The following ABCA1 variants were observed in gnomAD, a reference collection of about 807,000 sequenced individuals.
The protein encoded by ABCA1 is ATP binding cassette subfamily A member 1, also known as phospholipid-transporting ATPase ABCA1.
Under a neutral mutation model 262.5 loss-of-function variants are expected in ABCA1, and 133 were observed. That is an observed-to-expected ratio of 0.51 (90% CI 0.44 to 0.59). The LOEUF (loss-of-function observed/expected upper bound fraction) is 0.59. Among genes scored for constraint, ABCA1 ranks in the 20% least tolerant of loss-of-function variants. The pLI is 0.00. For synonymous variants in ABCA1, 1,022 were observed against 1,043.5 expected, an observed-to-expected ratio of 0.98 and a Z score of 0.40; for missense variants, 2,452 against 2,777.5, an observed-to-expected ratio of 0.88 and a Z score of 2.63.
chr9:104,895,841 T>C (rs1206207823), intron 2 of ABCA1, among the ~76,000 whole-genome samples: 1 of 152,178 alleles, frequency 6.6e-6, no homozygotes, highest in Admixed American at 6.5e-5. Context: ...TTCTTGAGAT[T>C]TAGCCACGTT....
rs1290897662 is a variant in ABCA1 at position 104,840,359 on chromosome 9, T to C, written c.974A>G (p.Tyr325Cys). The C allele has an allele frequency of 1.2e-6, 2 of 1,614,216 alleles. No individual in the cohort carries two copies. Among genetic ancestry groups the C allele is most frequent in the Middle Eastern group, 1.6e-4 (1 of 6,062 alleles). ...GAGGGCTTTGTAGTTGTTGTCCTCA[T>C]ACCAGTTGAGAGACTTGATCTTCAG... is the stretch of plus-strand genomic sequence containing the variant. ...GGLKIKSLNW[Y>C]EDNNYKALFG... Residue 325 changes from tyrosine to cysteine, a missense_variant, in exon 9 of 50, where the codon TAT (tyrosine) becomes TGT (cysteine). Coordinates refer to ENST00000374736, the MANE Select transcript of ABCA1 (RefSeq NM_005502.4).
intron 2 of ABCA1, among the ~76,000 whole-genome samples, chr9:104,896,667 A>T (rs140361349): frequency 3.4e-5 from 5 of 146,622 alleles, no homozygotes; most frequent in Non-Finnish European, 5.9e-5. Context: ...AAAACTACAT[A>T]TCAAATGACC....
chr9:104,804,513 A>G, intron 32 of ABCA1, 113 bp downstream of exon 32: 1 of 871,876 alleles, frequency 1.1e-6, no homozygotes, highest in Non-Finnish European at 2.0e-6. Flanking sequence ...TCCAATAGAC[A>G]GAATCAGGCC....
intron 45 of ABCA1, 62 bp from the exon 46 acceptor site, chr9:104,788,116 C>T (rs1196762791): frequency 6.5e-7 from 1 of 1,531,226 alleles, no homozygotes; most frequent in Non-Finnish European, 9.1e-7. Flanking sequence ...TGCTGTCCTA[C>T]ACATACATGT....
chr9:104,814,519 C>T (rs753386903), intron 25 of ABCA1, 44 bp from the exon 26 acceptor site: 14 of 1,575,956 alleles, frequency 8.9e-6, no homozygotes, highest in African/African-American at 8.1e-5. Context: ...ACCAACATTA[C>T]GAGAGTAGTC....
In ABCA1 at chr9:104,863,955, G is replaced by A. The variant is rs539423018; in HGVS notation, c.422-2155C>T. Among the ~76,000 whole-genome samples the A allele has an allele frequency of 3.9e-5, 6 of 152,278 alleles. No homozygotes were observed. The South Asian group carries it at 8.3e-4, about 21-fold the overall frequency. On this transcript the variant is annotated intron_variant, in intron 5 of 49. Coordinates refer to ENST00000374736, the MANE Select transcript of ABCA1 (RefSeq NM_005502.4). ...AGTCCCCAGAGATTCTGAAATAGTG[G>A]GTCTAGAGTGCAGAGCCTACAAATC...
intron 2 of ABCA1, among the ~76,000 whole-genome samples, chr9:104,902,184 A>G (rs1311553637): frequency 1.3e-5 from 2 of 152,182 alleles, no homozygotes; most frequent in Non-Finnish European, 2.9e-5. Flanking sequence ...TTTCATTTCA[A>G]CAGTCATCTA....
At chr9:104,837,326 C>G (rs1223117845) in intron 10 of ABCA1, 102 bp downstream of exon 10, 2 of 1,486,752 alleles carry the variant, frequency 1.3e-6, no homozygotes, top group Non-Finnish European at 1.8e-6. Flanking sequence ...TCCAGAAGAG[C>G]CGTGAGTATA....
intron 39 of ABCA1, among the ~76,000 whole-genome samples, chr9:104,795,125 A>G (rs1413907234): frequency 6.6e-6 from 1 of 152,250 alleles, no homozygotes; most frequent in Non-Finnish European, 1.5e-5. Context: ...AGCACAGAGA[A>G]AAGAGAGAAC....
At chr9:104,836,473 G>A (rs774983033) in intron 11 of ABCA1, among the ~76,000 whole-genome samples, 10 of 152,194 alleles carry the variant, frequency 6.6e-5, no homozygotes, top group Non-Finnish European at 1.2e-4. Flanking sequence ...ATTGTCTCTA[G>A]AGCACTTATC....
Position 104,884,496 on chromosome 9 carries a change from T to G in ABCA1, c.233A>C (p.Asn78Thr). The G allele has an allele frequency of 6.2e-7, 1 of 1,614,202 alleles. No individual in the cohort carries two copies. Among genetic ancestry groups the G allele is most frequent in the East Asian group, 2.2e-5 (1 of 44,882 alleles). ...AGTCGGGTAACGGAAACAGGGGTTG[T>G]TGGCATTACAGATAATCCCCTGAAC... ...PWVQGIICNANNPCFRYPTPG... is the reference protein window; with the variant it reads ...PWVQGIICNATNPCFRYPTPG... The change falls in exon 4 of 50, where the codon AAC (asparagine) becomes ACC (threonine). Residue 78 changes from asparagine to threonine, a missense_variant. Physicochemically the swap from Asn to Thr is moderately conservative, Grantham distance 65 (BLOSUM62 0). This residue lies in a region of ABCA1 where 1,032 missense variants were observed against 1,089.7 expected (regional missense o/e 0.95). Coordinates refer to ENST00000374736, the MANE Select transcript of ABCA1 (RefSeq NM_005502.4).
intron 1 of ABCA1, among the ~76,000 whole-genome samples, chr9:104,919,144 G>C (rs12347523): frequency 0.14 from 20,797 of 151,964 alleles, 2,060 homozygotes; most frequent in African/African-American, 0.29. Flanking sequence ...GTGTCTTACC[G>C]ACCTACCCCC....
intron 2 of ABCA1, among the ~76,000 whole-genome samples, chr9:104,899,916 C>T (rs1840528025): frequency 6.6e-6 from 1 of 152,164 alleles, no homozygotes. Flanking sequence ...CCTGTTTGTA[C>T]TGAATACCTG....
chr9:104,891,966 TAA>T (rs570923490), intron 2 of ABCA1, among the ~76,000 whole-genome samples: 10,799 of 58,328 alleles, frequency 0.19, 696 homozygotes, highest in African/African-American at 0.23. Context: ...CTCTGTCTCT[TAA>T]AAAAAAAAAA....
chr9:104,926,148 G>A (rs977120214), intron 1 of ABCA1, among the ~76,000 whole-genome samples: 1 of 152,070 alleles, frequency 6.6e-6, no homozygotes, highest in Admixed American at 6.6e-5. Context: ...GTACCCAGAA[G>A]GTTTTTTTAA....
chr9:104,837,119 G>C (rs752443374), intron 10 of ABCA1, 23 bp from the exon 11 acceptor site: 36 of 1,580,426 alleles, frequency 2.3e-5, no homozygotes, highest in Non-Finnish European at 2.9e-5. Context: ...GGGGAGCCAG[G>C]GACCGCAGAA....
At chr9:104,859,944 A>G (rs973315968) in intron 6 of ABCA1, among the ~76,000 whole-genome samples, 9 of 151,664 alleles carry the variant, frequency 5.9e-5, no homozygotes, top group African/African-American at 1.9e-4. Context: ...AATCCCAGCT[A>G]CTCAGGAGGC....
At chr9:104,794,592 G>A in intron 39 of ABCA1, 82 bp from the exon 40 acceptor site, 1 of 1,520,462 alleles carries the variant, frequency 6.6e-7, no homozygotes, top group East Asian at 2.3e-5. Flanking sequence ...TCCTAAAAAT[G>A]TATCAAGTTC....
chr9:104,824,701 G>C, intron 17 of ABCA1, 123 bp from the exon 18 acceptor site: 1 of 1,162,940 alleles, frequency 8.6e-7, no homozygotes, highest in Non-Finnish European at 1.3e-6. Flanking sequence ...GAATGGATGT[G>C]GGGAAAGAGG....
Sources: allele counts gnomAD v4.1 joint callset (sites outside exome capture counted in the v4.1 genomes callset), GRCh38; gene constraint gnomAD v4.1.1; regional missense constraint gnomAD v4.1.1; transcripts MANE v1.5; gene names NCBI Gene and HGNC (gene_info 2026-07-23, HGNC 2026-07-21).